Variants in PRH1 observed in about 807,000 individuals in gnomAD.
PRH1 encodes salivary acidic proline-rich phosphoprotein 1/2.
Under a neutral mutation model 7.9 loss-of-function variants are expected in PRH1, and 7 were observed. The observed-to-expected ratio is 0.89, with a 90% CI of 0.50 to 1.67. The LOEUF (loss-of-function observed/expected upper bound fraction) is 1.67. PRH1 is among the 40% of genes most tolerant of loss of function. PRH1 has a pLI of 0.00. For missense variants in PRH1, 109 were observed against 223.6 expected (o/e 0.49, Z 3.27); for synonymous variants, 45 against 80.8 (o/e 0.56, Z 2.38).
chr12:10,997,927 A>C, intron 1 of PRH1: 1 of 1,198,412 alleles, frequency 8.3e-7, no homozygotes, highest in Non-Finnish European at 1.2e-6. Context: ...ACTGATGGTG[A>C]CTCCTCTGAT....
intron 1 of PRH1, among the ~76,000 whole-genome samples, chr12:11,020,891 C>A (rs10772419): frequency 0.5 from 69,332 of 138,008 alleles, 16,473 homozygotes; most frequent in Non-Finnish European, 0.58. Flanking sequence ...GTCAACTTCA[C>A]AAAAGGTTTC....
intron 1 of PRH1, among the ~76,000 whole-genome samples, chr12:11,019,324 T>A (rs1216393686): frequency 6.6e-6 from 1 of 150,654 alleles, no homozygotes; most frequent in Non-Finnish European, 1.5e-5. Flanking sequence ...CAAAATCATA[T>A]CAACATCACG....
intron 1 of PRH1, chr12:10,997,591 G>A: frequency 6.2e-7 from 1 of 1,614,082 alleles, no homozygotes; most frequent in Non-Finnish European, 8.5e-7. Context: ...CAAGCCAGAT[G>A]CTGAAATGAT....
intron 1 of PRH1, among the ~76,000 whole-genome samples, chr12:10,988,574 T>C (rs921669185): frequency 6.6e-6 from 1 of 152,082 alleles, no homozygotes; most frequent in African/African-American, 2.4e-5. Context: ...TTATGGAGCA[T>C]TTTTCCAGTT....
intron 2 of PRH1, among the ~76,000 whole-genome samples, chr12:10,967,275 T>A (rs1938553134): frequency 6.6e-6 from 1 of 152,162 alleles, no homozygotes; most frequent in Admixed American, 6.5e-5. Flanking sequence ...AATTTTTTCC[T>A]AGGTATATAA....
chr12:11,161,413 A>G (rs899213796), intron 1 of PRH1, among the ~76,000 whole-genome samples: 4 of 152,204 alleles, frequency 2.6e-5, no homozygotes, highest in Admixed American at 2.0e-4. Flanking sequence ...GATCTTGGAG[A>G]CTGGCAACAC....
intron 1 of PRH1, among the ~76,000 whole-genome samples, chr12:10,976,337 A>T (rs1939096595): frequency 6.6e-6 from 1 of 152,212 alleles, no homozygotes; most frequent in East Asian, 1.9e-4. Flanking sequence ...GTACATATGA[A>T]ATTAAGGCAG....
intron 2 of PRH1, among the ~76,000 whole-genome samples, chr12:10,966,207 A>G (rs1211561079): frequency 1.3e-5 from 2 of 152,190 alleles, no homozygotes; most frequent in Non-Finnish European, 2.9e-5. Context: ...TCTCAAGTCT[A>G]TTGAATGTCT....
downstream of PRH1, among the ~76,000 whole-genome samples, chr12:11,117,072 G>C (rs1306902339): frequency 6.6e-6 from 1 of 152,018 alleles, no homozygotes; most frequent in African/African-American, 2.4e-5. Flanking sequence ...TCTGGCTGGA[G>C]CAATCACTCA....
intron 2 of PRH1, chr12:10,891,731 C>T (rs1565453796): frequency 1.3e-5 from 2 of 152,188 alleles, no homozygotes; most frequent in Admixed American, 6.5e-5. Flanking sequence ...TATCATCGTA[C>T]TATTTCTTCA....
intron 2 of PRH1, among the ~76,000 whole-genome samples, chr12:10,944,532 T>A (rs934222923): frequency 3.3e-5 from 5 of 152,056 alleles, no homozygotes; most frequent in South Asian, 4.1e-4. Context: ...ACTCTATGGT[T>A]TTTTGGGCGT....
intron 2 of PRH1, chr12:10,931,211 C>A: frequency 6.6e-7 from 1 of 1,511,850 alleles, no homozygotes; most frequent in Non-Finnish European, 8.8e-7. Flanking sequence ...GAGTTTTGTT[C>A]AAATATTCTG....
chr12:11,136,240 T>A (rs1433306210), intron 1 of PRH1, among the ~76,000 whole-genome samples: 2 of 152,254 alleles, frequency 1.3e-5, no homozygotes, highest in Non-Finnish European at 2.9e-5. Context: ...CATTCCTACA[T>A]GTTCTTGTTG....
At chr12:11,100,828 G>C (rs948744250) in intron 1 of PRH1, among the ~76,000 whole-genome samples, 1 of 151,972 alleles carries the variant, frequency 6.6e-6, no homozygotes, top group East Asian at 1.9e-4. Flanking sequence ...GCCTTTCTAT[G>C]ATTTTTTTCT....
chr12:11,073,294 G>T lies in PRH1; in HGVS notation n.124-26106C>A, dbSNP rs1288310027. Among the ~76,000 whole-genome samples, 3 of 115,524 alleles carry T rather than the reference G, an allele frequency of 2.6e-5. 1 individual carries two copies. Among genetic ancestry groups the T allele is most frequent in the Non-Finnish European group, 6.1e-5 (3 of 48,804 alleles). The allele number at this position is 115,524 out of a possible 152,430, so 75.8% of individuals were successfully genotyped here. On this transcript the variant is annotated intron_variant and non_coding_transcript_variant, in intron 1 of 4. Transcript: ENST00000541977. ...TTACAGCCATGTGCTACCATGCCTG[G>T]CAATTTTTTTTTTTTTTAAAGTAGA...
chr12:10,964,518 T>C (rs1271283649), intron 2 of PRH1: 3 of 260,300 alleles, frequency 1.2e-5, no homozygotes, highest in African/African-American at 4.5e-5. Context: ...CAAATTAGGA[T>C]GAATGAATGA....
intron 2 of PRH1, among the ~76,000 whole-genome samples, chr12:10,919,240 C>T (rs1051547120): frequency 6.6e-6 from 1 of 152,128 alleles, no homozygotes; most frequent in East Asian, 1.9e-4. Context: ...ATGGAAAAAT[C>T]TATCTCACAC....
intron 1 of PRH1, among the ~76,000 whole-genome samples, chr12:11,032,791 A>G (rs527515783): frequency 5.3e-4 from 80 of 152,354 alleles, no homozygotes; most frequent in African/African-American, 1.8e-3. Flanking sequence ...GCAGTATCCT[A>G]TCACAGGAAG....
intron 2 of PRH1, among the ~76,000 whole-genome samples, chr12:10,919,305 A>T (rs560069135): frequency 6.6e-6 from 1 of 152,312 alleles, no homozygotes; most frequent in South Asian, 2.1e-4. Flanking sequence ...TTTTTGTTGC[A>T]CTGGAGTTTC....
Sources: allele counts gnomAD v4.1 joint callset (sites outside exome capture counted in the v4.1 genomes callset), GRCh38; gene constraint gnomAD v4.1.1; transcripts MANE v1.5; gene names NCBI Gene and HGNC (gene_info 2026-07-23, HGNC 2026-07-21).